Variants in MYCBP2 observed in about 807,000 individuals in gnomAD.
MYCBP2 encodes the protein E3 ubiquitin-protein ligase MYCBP2.
In MYCBP2, 120 loss-of-function variants were observed where a neutral mutation model predicts 525.3. That is an observed-to-expected ratio of 0.23 (90% CI 0.20 to 0.27). The LOEUF is 0.27. MYCBP2 is among the 10% of genes least tolerant of loss of function. The pLI is 1.00. For synonymous variants in MYCBP2, 1,894 were observed against 1,955.8 expected (o/e 0.97, Z 0.83); for missense variants, 4,149 against 5,657.1 (o/e 0.73, Z 8.55).
At chr13:77,284,732 A>C (rs957364030) in intron 3 of MYCBP2, among the ~76,000 whole-genome samples, 4 of 152,200 alleles carry the variant, frequency 2.6e-5, no homozygotes, top group Non-Finnish European at 5.9e-5. Context: ...ACTGACACTT[A>C]CAACTATATA....
At position 77,081,154 on chromosome 13, in the gene MYCBP2, G is replaced by T; in HGVS notation, c.11418+273C>A. ...ACGGGAAAATCTTAACCAAGGGAAT[G>T]GCAGCAGAAAATTGTAGAGCAGACT... On this transcript the variant is annotated intron_variant, in intron 65 of 82. Coordinates refer to ENST00000544440, the MANE Select transcript of MYCBP2 (RefSeq NM_015057.5). The surrounding 1 kb of genome is among the most constrained non-coding windows in gnomAD (Gnocchi z 4.6). 3.0e-6 allele frequency: 1 copy of T among 334,532 alleles called. No homozygotes were observed. The highest frequency in any genetic ancestry group is 5.4e-6 in the Non-Finnish European group (1 of 185,248). The allele number at this position is 334,532 out of a possible 1,614,324, so 20.7% of individuals were successfully genotyped here. A position where few individuals can be genotyped will look rare whatever the true frequency, so the allele number is the denominator to read the frequency against.
At chr13:77,210,050 G>A (rs1593928132) in intron 23 of MYCBP2, among the ~76,000 whole-genome samples, 2 of 152,056 alleles carry the variant, frequency 1.3e-5, no homozygotes, top group African/African-American at 4.8e-5. Flanking sequence ...GCCTACTAAG[G>A]CCGGCCGCAA....
At chr13:77,211,638 T>C (rs1252792859) in intron 22 of MYCBP2, among the ~76,000 whole-genome samples, 1 of 152,172 alleles carries the variant, frequency 6.6e-6, no homozygotes, top group East Asian at 1.9e-4. Context: ...TAAAAATTAA[T>C]TTCTAACATT....
intron 40 of MYCBP2, among the ~76,000 whole-genome samples, chr13:77,166,876 T>C (rs1463189708): frequency 1.3e-5 from 2 of 151,894 alleles, no homozygotes; most frequent in Non-Finnish European, 2.9e-5. Flanking sequence ...GTATATCCAA[T>C]GAATGCATAA....
chr13:77,062,771 C>T, intron 73 of MYCBP2, 74 bp from the exon 74 acceptor site: 2 of 1,120,628 alleles, frequency 1.8e-6, no homozygotes, highest in Non-Finnish European at 2.7e-6. Context: ...TGACACATCA[C>T]AACAGCTCAA....
intron 62 of MYCBP2, among the ~76,000 whole-genome samples, chr13:77,083,472 G>A (rs1300630120): frequency 6.6e-6 from 1 of 152,092 alleles, no homozygotes; most frequent in Non-Finnish European, 1.5e-5. Context: ...ATCCACATGT[G>A]TATGCATGTG....
At chr13:77,124,788 A>C (rs2051361077) in intron 54 of MYCBP2, among the ~76,000 whole-genome samples, 1 of 151,808 alleles carries the variant, frequency 6.6e-6, no homozygotes, top group African/African-American at 2.4e-5. Context: ...AATTTTTGCC[A>C]CCAAGATATC....
intron 71 of MYCBP2, 34 bp downstream of exon 71, chr13:77,067,547 C>T: frequency 6.2e-7 from 1 of 1,600,894 alleles, no homozygotes; most frequent in Non-Finnish European, 8.6e-7. Flanking sequence ...TCACTCTATT[C>T]TGTTTTGGTA....
rs1333146706 is a variant in MYCBP2 at position 77,096,346 on chromosome 13, T to C, written c.9920A>G (p.Tyr3307Cys). The change falls in exon 57 of 83, where the codon TAC becomes TGC. Residue 3307 changes from tyrosine (Y) to cysteine (C), a missense_variant. Tyr to Cys is a radical substitution (Grantham distance 194, BLOSUM62 -2). Coordinates refer to ENST00000544440, the MANE Select transcript of MYCBP2 (RefSeq NM_015057.5). ...YLVCDRCREK[Y>C]LREKQAAARE... ...TGCAGCAGCCTGTTTTTCGCGGAGG[T>C]ATTTTTCTCTACAGCGATCACATAC... 4 of 1,613,274 alleles carry C rather than the reference T, an allele frequency of 2.5e-6. No homozygotes were observed. Among genetic ancestry groups the C allele is most frequent in the Non-Finnish European group, 3.4e-6 (4 of 1,179,514 alleles).
rs1566436261 is a variant in MYCBP2, at chr13:77,081,720, G to T, written c.11194-69C>A. 3 of 1,532,668 alleles carry T rather than the reference G, an allele frequency of 2.0e-6. No individual in the cohort carries two copies. The highest frequency in any genetic ancestry group is 2.6e-6 in the Non-Finnish European group (3 of 1,134,578). 94.9% of individuals were successfully genotyped at this position (1,532,668 alleles called of 1,614,324 possible). On this transcript the variant is annotated intron_variant, in intron 64 of 82. Transcript: ENST00000544440. This position sits in a 1 kb window ranked among gnomAD's most constrained non-coding sequence, Gnocchi z 4.6. Reference sequence around the variant, plus strand: ...TCTTTCGTGATGATAAAACAAACAGGTATAAGATAAAACATAATGGAAGAC... The same window carrying T: ...TCTTTCGTGATGATAAAACAAACAGTTATAAGATAAAACATAATGGAAGAC...
At chr13:77,094,173 A>G (rs1326269600) in intron 58 of MYCBP2, among the ~76,000 whole-genome samples, 1 of 152,190 alleles carries the variant, frequency 6.6e-6, no homozygotes, top group Non-Finnish European at 1.5e-5. Flanking sequence ...CACAAAGAGG[A>G]CAATTTCCAA....
At chr13:77,300,640 A>C (rs1003475931) in intron 1 of MYCBP2, among the ~76,000 whole-genome samples, 1 of 152,232 alleles carries the variant, frequency 6.6e-6, no homozygotes, top group Admixed American at 6.5e-5. Flanking sequence ...ATGAGTATGC[A>C]ACACAGATAA....
At chr13:77,087,827 T>TTGGAA (rs1269347732) in intron 61 of MYCBP2, 194 bp from the exon 62 acceptor site, 3 of 508,756 alleles carry the variant, frequency 5.9e-6, no homozygotes, top group African/African-American at 1.9e-5. Context: ...GTCACCCAGG[T>TTGGAA]TGGAGTACAG....
At chr13:77,057,725 T>C (rs375993356) in intron 78 of MYCBP2, among the ~76,000 whole-genome samples, 6 of 150,998 alleles carry the variant, frequency 4.0e-5, no homozygotes, top group Admixed American at 6.6e-5. Context: ...GCATGCAACA[T>C]AGAAAGCACA....
chr13:77,061,412 A>C, intron 75 of MYCBP2, 111 bp from the exon 76 acceptor site: 1 of 1,015,670 alleles, frequency 9.8e-7, no homozygotes, highest in African/African-American at 1.6e-5. Context: ...AAGCACTCTA[A>C]GAAGTTTTGA....
At chr13:77,290,524 T>C (rs1260633400) in intron 2 of MYCBP2, among the ~76,000 whole-genome samples, 2 of 152,184 alleles carry the variant, frequency 1.3e-5, no homozygotes, top group Non-Finnish European at 2.9e-5. Flanking sequence ...ATGAAATGCT[T>C]ACTCATCAAG....
At chr13:77,133,946 T>G (rs2053328297) in intron 52 of MYCBP2, among the ~76,000 whole-genome samples, 1 of 152,174 alleles carries the variant, frequency 6.6e-6, no homozygotes, top group Non-Finnish European at 1.5e-5. Flanking sequence ...TGTTATTTAC[T>G]CTGTATCCCT....
At chr13:77,321,777 G>A (rs7317696) in intron 1 of MYCBP2, among the ~76,000 whole-genome samples, 6,045 of 152,262 alleles carry the variant, frequency 0.04, 420 homozygotes, top group African/African-American at 0.14. Context: ...ATCTGCCTTT[G>A]TATCTTGCAC....
At chr13:77,096,522 G>C (rs1326606528) in intron 56 of MYCBP2, 41 bp from the exon 57 acceptor site, 1 of 1,598,202 alleles carries the variant, frequency 6.3e-7, no homozygotes, top group South Asian at 1.1e-5. Context: ...CACTCCAAGT[G>C]TCCTTAATAG....
Sources: allele counts gnomAD v4.1 joint callset (sites outside exome capture counted in the v4.1 genomes callset), GRCh38; gene constraint gnomAD v4.1.1; non-coding constraint Gnocchi (gnomAD v3.1); transcripts MANE v1.5; gene names NCBI Gene and HGNC (gene_info 2026-07-23, HGNC 2026-07-21).